The following UBE2E1 variants were observed in gnomAD, a reference collection of about 807,000 sequenced individuals.
UBE2E1 encodes the protein ubiquitin-conjugating enzyme E2 E1.
A neutral mutation model predicts 21.4 loss-of-function variants in UBE2E1; 6 were observed. The observed-to-expected ratio is 0.28, with a 90% CI of 0.15 to 0.55. The LOEUF (loss-of-function observed/expected upper bound fraction) is 0.55. Ranked by LOEUF, UBE2E1 falls within the 20% of genes least tolerant of loss-of-function variation. UBE2E1 has a pLI of 0.93. For missense variants in UBE2E1, 142 were observed against 236.5 expected (o/e 0.60, Z 2.62); for synonymous variants, 87 against 82.7 (o/e 1.05, Z -0.28).
rs1699353473 is a variant in UBE2E1, at chr3:23,810,128, G to C, written c.153-1332G>C. On this transcript the variant is annotated intron_variant, in intron 2 of 5. Transcript: ENST00000306627. The surrounding 1 kb of genome is among the most constrained non-coding windows in gnomAD (Gnocchi z 5.8). ...AGGAAAACGTATCCTTTGTGAATTA[G>C]ATTGCTCTGTGTGTGTGTTTAAAAT... Among the ~76,000 whole-genome samples the C allele has an allele frequency of 1.3e-5, 2 of 152,176 alleles. No homozygotes were observed. Among genetic ancestry groups the C allele is most frequent in the Non-Finnish European group, 2.9e-5 (2 of 68,032 alleles).
At chr3:23,850,629 GC>G (rs1159336132) in intron 3 of UBE2E1, among the ~76,000 whole-genome samples, 2 of 150,166 alleles carry the variant, frequency 1.3e-5, no homozygotes, top group Non-Finnish European at 2.9e-5. Context: ...TCCTGCCTCA[GC>G]CAAGTAGCTG....
chr3:23,864,806 C>T (rs531992657), intron 3 of UBE2E1, among the ~76,000 whole-genome samples: 1 of 152,280 alleles, frequency 6.6e-6, no homozygotes, highest in African/African-American at 2.4e-5. Context: ...CGCTCATATT[C>T]CCCAGAAGAG....
intron 4 of UBE2E1, chr3:23,888,332 C>T (rs1163444675): frequency 4.4e-6 from 2 of 452,246 alleles, no homozygotes; most frequent in East Asian, 7.0e-5. Flanking sequence ...AAGAAAACCC[C>T]GTCTTGGGGA....
chr3:23,824,479 A>G (rs1259434363), intron 3 of UBE2E1, among the ~76,000 whole-genome samples: 1 of 152,158 alleles, frequency 6.6e-6, no homozygotes, highest in Non-Finnish European at 1.5e-5. Context: ...TCTGCAGTTA[A>G]TGGTTTGTTA....
Position 23,887,283 on chromosome 3 carries a change from C to T in UBE2E1, c.204-284C>T, listed in dbSNP as rs1701209404. On this transcript the variant is annotated intron_variant, in intron 3 of 5. Transcript: ENST00000306627. This position sits in a 1 kb window ranked among gnomAD's most constrained non-coding sequence, Gnocchi z 4.4. ...TTTCCCATTTTAAGTATTGTTTACA[C>T]TTTCCTACGTGTCCAGGAGAGTTTT... Among the ~76,000 whole-genome samples, 1 of 152,226 alleles carries T rather than the reference C, an allele frequency of 6.6e-6. No homozygotes were observed. Among genetic ancestry groups the T allele is most frequent in the South Asian group, 2.1e-4 (1 of 4,830 alleles).
intron 2 of UBE2E1, among the ~76,000 whole-genome samples, chr3:23,811,205 C>G (rs548878129): frequency 6.6e-6 from 1 of 152,328 alleles, no homozygotes; most frequent in East Asian, 1.9e-4. Flanking sequence ...AGGAATAGAA[C>G]TGCCCTGGTG....
chr3:23,877,664 G>C (rs910120617), intron 3 of UBE2E1, among the ~76,000 whole-genome samples: 10 of 152,082 alleles, frequency 6.6e-5, no homozygotes, highest in African/African-American at 2.4e-4. Context: ...TGGGTGTTTG[G>C]GGGGGTTTGT....
intron 3 of UBE2E1, among the ~76,000 whole-genome samples, chr3:23,831,710 T>A (rs868236470): frequency 7.3e-6 from 1 of 137,008 alleles, no homozygotes; most frequent in Non-Finnish European, 1.6e-5. Flanking sequence ...TTTTTTTTTT[T>A]CTGTGAGACA....
chr3:23,870,186 G>C lies in UBE2E1; in HGVS notation c.204-17381G>C, dbSNP rs1284981998. 6.6e-6 allele frequency among the ~76,000 whole-genome samples: 1 copy of C among 152,132 alleles called. No homozygotes were observed. Among genetic ancestry groups the C allele is most frequent in the African/African-American group, 2.4e-5 (1 of 41,412 alleles). ...TCTTCACACGGTCTCTGCAGTACTA[G>C]GCTTCTTATGTGATGTTTAGAGTTT... On this transcript the variant is annotated intron_variant, in intron 3 of 5. Coordinates refer to ENST00000306627, the MANE Select transcript of UBE2E1 (RefSeq NM_003341.5). The surrounding 1 kb of genome is among the most constrained non-coding windows in gnomAD (Gnocchi z 4.2).
At chr3:23,829,576 A>AC (rs746128454) in intron 3 of UBE2E1, among the ~76,000 whole-genome samples, 3 of 152,088 alleles carry the variant, frequency 2.0e-5, no homozygotes, top group African/African-American at 4.8e-5. Context: ...CACGGGGTTT[A>AC]CCAGTAGCCT....
At chr3:23,831,235 G>A (rs540092765) in intron 3 of UBE2E1, among the ~76,000 whole-genome samples, 1 of 152,256 alleles carries the variant, frequency 6.6e-6, no homozygotes, top group South Asian at 2.1e-4. Flanking sequence ...CAGAAACCAG[G>A]AATTCTCTCC....
chr3:23,859,673 C>T (rs1207226098), intron 3 of UBE2E1, among the ~76,000 whole-genome samples: 1 of 152,170 alleles, frequency 6.6e-6, no homozygotes, highest in Non-Finnish European at 1.5e-5. Flanking sequence ...GCCTCAGTTT[C>T]CTCTAATGCA....
In UBE2E1 at chr3:23,876,769, G is replaced by A. The variant is rs1482805415; in HGVS notation, c.204-10798G>A. ...ATGGTAATTTAAATCTAGAAAATCA[G>A]AACTGTGGCTCACTACTGTAATGTC... On this transcript the variant is annotated intron_variant, in intron 3 of 5. Coordinates refer to ENST00000306627, the MANE Select transcript of UBE2E1 (RefSeq NM_003341.5). The surrounding 1 kb of genome is among the most constrained non-coding windows in gnomAD (Gnocchi z 4.3). Among the ~76,000 whole-genome samples the A allele has an allele frequency of 6.6e-6, 1 of 152,142 alleles. No individual in the cohort carries two copies. The highest frequency in any genetic ancestry group is 1.5e-5 in the Non-Finnish European group (1 of 68,024).
Position 23,816,476 on chromosome 3 carries a change from G to T in UBE2E1, c.203+4966G>T, listed in dbSNP as rs1320905258. On this transcript the variant is annotated intron_variant, in intron 3 of 5. Transcript: ENST00000306627. This position sits in a 1 kb window ranked among gnomAD's most constrained non-coding sequence, Gnocchi z 4.8. ...AATCCCAGCACTTTGGGAGGCTGAG[G>T]CAGGCGGATCACGAGGTCAGGAGAT... Among the ~76,000 whole-genome samples the T allele has an allele frequency of 3.3e-5, 5 of 152,084 alleles. No homozygotes were observed. The highest frequency in any genetic ancestry group is 3.3e-4 in the Admixed American group (5 of 15,268).
chr3:23,810,741 C>G lies in UBE2E1; in HGVS notation c.153-719C>G. ...CGGCGCGGAGCAGCCCCCGTGCGGG[C>G]ACCCTGTTCCCCTCCCCCGCCCGCA... is the stretch of plus-strand genomic sequence containing the variant. On this transcript the variant is annotated intron_variant, in intron 2 of 5. Transcript: ENST00000306627. The surrounding 1 kb of genome is among the most constrained non-coding windows in gnomAD (Gnocchi z 5.8). 3.0e-6 allele frequency: 1 copy of G among 333,492 alleles called. No individual in the cohort carries two copies. Among genetic ancestry groups the G allele is most frequent in the Non-Finnish European group, 5.4e-6 (1 of 186,608 alleles). 20.7% of individuals were successfully genotyped at this position (333,492 alleles called of 1,614,324 possible). A position where few individuals can be genotyped will look rare whatever the true frequency, so the allele number is the denominator to read the frequency against.
rs79580469 is a variant in UBE2E1, at chr3:23,835,310, A to AT, written c.203+23803dup. 2.8e-3 allele frequency among the ~76,000 whole-genome samples: 433 copies of AT among 152,288 alleles called. 10 individuals are homozygous for AT. In the East Asian group the frequency reaches 0.044, roughly 16 times the overall value. The stretch of plus-strand genomic sequence containing the variant: ...TATAGCAAGATCCTGTCTACAAAAA[A>AT]TTTAAAAATTAGCTAGATGTGCTGG... On this transcript the variant is annotated intron_variant, in intron 3 of 5. Transcript: ENST00000306627.
At chr3:23,855,350 A>G (rs2125310013) in intron 3 of UBE2E1, among the ~76,000 whole-genome samples, 1 of 152,236 alleles carries the variant, frequency 6.6e-6, no homozygotes, top group African/African-American at 2.4e-5. Context: ...TAATACCTTC[A>G]TTAGTTATAT....
At chr3:23,860,394 T>G (rs570572173) in intron 3 of UBE2E1, among the ~76,000 whole-genome samples, 1 of 152,216 alleles carries the variant, frequency 6.6e-6, no homozygotes, top group Non-Finnish European at 1.5e-5. Context: ...GTGGGGCTCA[T>G]TGTTAATGGA....
At chr3:23,844,857 G>T (rs544209687) in intron 3 of UBE2E1, among the ~76,000 whole-genome samples, 1 of 152,068 alleles carries the variant, frequency 6.6e-6, no homozygotes. Flanking sequence ...ATTTATTACC[G>T]TAGCCCTGTG....
Sources: allele counts gnomAD v4.1 joint callset (sites outside exome capture counted in the v4.1 genomes callset), GRCh38; gene constraint gnomAD v4.1.1; non-coding constraint Gnocchi (gnomAD v3.1); transcripts MANE v1.5; gene names NCBI Gene and HGNC (gene_info 2026-07-23, HGNC 2026-07-21).